Variants in PDE10A observed in about 807,000 individuals in gnomAD.
The protein encoded by PDE10A is phosphodiesterase 10A.
In PDE10A, 39 loss-of-function variants were observed where a neutral mutation model predicts 97.7. That is an observed-to-expected ratio of 0.40 (90% CI 0.31 to 0.52). PDE10A has a LOEUF of 0.52. PDE10A is among the 20% of genes least tolerant of loss of function. The probability of loss-of-function intolerance (pLI) is 0.56; values close to 1 mark genes in which losing one functional copy is unlikely to be tolerated. For synonymous variants in PDE10A, 371 were observed against 376.8 expected (o/e 0.98, Z 0.18); for missense variants, 731 against 1,047.8 (o/e 0.70, Z 4.17).
intron 10 of PDE10A, among the ~76,000 whole-genome samples, chr6:165,426,643 T>C (rs1160549445): frequency 2.0e-5 from 3 of 152,116 alleles, no homozygotes; most frequent in African/African-American, 7.2e-5. Flanking sequence ...AATTAAAATC[T>C]TTTGTGCCTC....
At chr6:165,550,788 A>G (rs1326094472) in intron 1 of PDE10A, among the ~76,000 whole-genome samples, 113 of 152,360 alleles carry the variant, frequency 7.4e-4, no homozygotes, top group Non-Finnish European at 4.4e-5. Context: ...AATGGGCTAC[A>G]TGAGCAGACA....
chr6:165,813,945 G>A (rs529424679), intron 1 of PDE10A, among the ~76,000 whole-genome samples: 1 of 152,286 alleles, frequency 6.6e-6, no homozygotes, highest in Admixed American at 6.5e-5. Flanking sequence ...TTGGGCAAAT[G>A]CAGTTTGGAA....
chr6:165,798,253 A>G (rs1055145524), intron 1 of PDE10A, among the ~76,000 whole-genome samples: 4 of 152,250 alleles, frequency 2.6e-5, no homozygotes, highest in African/African-American at 9.6e-5. Context: ...TGCTTTAATG[A>G]GAAATGAATA....
Position 165,403,335 on chromosome 6 carries a change from C to T in PDE10A, c.2077-6876G>A, listed in dbSNP as rs535826087. Among the ~76,000 whole-genome samples the T allele has an allele frequency of 3.9e-5, 6 of 152,308 alleles. No individual in the cohort carries two copies. The East Asian group carries it at 1.2e-3, about 29-fold the overall frequency. On this transcript the variant is annotated intron_variant, in intron 13 of 21. Transcript: ENST00000539869. ...CTGGCTTGCAAGAGCCAATTATGCA[C>T]ATTTCTTCCCAACTCTGCATTCATT...
intron 1 of PDE10A, among the ~76,000 whole-genome samples, chr6:165,923,364 G>C (rs1782813403): frequency 6.6e-6 from 1 of 152,240 alleles, no homozygotes; most frequent in Non-Finnish European, 1.5e-5. Flanking sequence ...GCCTATTCCA[G>C]GTGTTCAGAG....
Position 165,339,306 on chromosome 6 carries a change from T to C in PDE10A, c.2948A>G (p.Asp983Gly). The stretch of plus-strand genomic sequence containing the variant: ...GCCTTGGGGGACTTCATCCTTCTTG[T>C]CTCTGTCCATCATAGGAATAGGCTG... ...GIQPIPMMDR[D>G]KKDEVPQGQL... The change falls in exon 20 of 22, where the codon GAC (aspartate) becomes GGC (glycine). Residue 983 changes from aspartate to glycine, a missense_variant. Around this residue, in one of 8 missense-constraint regions of PDE10A, gnomAD observed 96 missense variants for 156.7 expected, o/e 0.61. Transcript: ENST00000539869. 1.2e-6 allele frequency: 2 copies of C among 1,605,834 alleles called. No individual in the cohort carries two copies. The highest frequency in any genetic ancestry group is 1.7e-6 in the Non-Finnish European group (2 of 1,172,894).
At chr6:165,619,724 GTAGTGTAGTGTAGTC>G (rs1788031108) in intron 1 of PDE10A, among the ~76,000 whole-genome samples, 1 of 106,072 alleles carries the variant, frequency 9.4e-6, no homozygotes, top group African/African-American at 5.5e-5. Context: ...GTAGTCCAGT[GTAGTGTAGTGTAGTC>G]TAGTGCAGTG....
intron 1 of PDE10A, among the ~76,000 whole-genome samples, chr6:165,785,351 G>T (rs1009019805): frequency 7.2e-5 from 11 of 152,290 alleles, no homozygotes; most frequent in African/African-American, 2.6e-4. Flanking sequence ...TTCTGAAAAA[G>T]CAGGGACTAA....
At chr6:165,430,111 C>G (rs1171601524) in intron 9 of PDE10A, among the ~76,000 whole-genome samples, 176 bp downstream of exon 9, 1 of 151,980 alleles carries the variant, frequency 6.6e-6, no homozygotes, top group Non-Finnish European at 1.5e-5. Context: ...TTAGAGTGAA[C>G]GTGAATGAGA....
intron 1 of PDE10A, among the ~76,000 whole-genome samples, chr6:165,899,577 T>G (rs1782048399): frequency 6.6e-6 from 1 of 152,182 alleles, no homozygotes; most frequent in African/African-American, 2.4e-5. Flanking sequence ...CACATTCAGG[T>G]GAGTGCTATG....
At chr6:165,572,769 T>G (rs987764202) in intron 1 of PDE10A, among the ~76,000 whole-genome samples, 3 of 152,118 alleles carry the variant, frequency 2.0e-5, no homozygotes, top group African/African-American at 7.2e-5. Context: ...TCAGGGAGGT[T>G]GAAGCTGCAG....
chr6:165,509,456 G>A (rs9459427), intron 2 of PDE10A, among the ~76,000 whole-genome samples: 1 of 151,732 alleles, frequency 6.6e-6, no homozygotes, highest in Non-Finnish European at 1.5e-5. Flanking sequence ...TATTTTTATA[G>A]CAATACCATG....
At chr6:165,678,215 G>GTGTGTCTC (rs1790872541) in intron 1 of PDE10A, among the ~76,000 whole-genome samples, 1 of 119,316 alleles carries the variant, frequency 8.4e-6, no homozygotes, top group Non-Finnish European at 1.8e-5. Context: ...GTGTCTGTGT[G>GTGTGTCTC]TGTATATGTG....
At chr6:165,956,977 G>T (rs2128496811) in intron 1 of PDE10A, among the ~76,000 whole-genome samples, 1 of 152,272 alleles carries the variant, frequency 6.6e-6, no homozygotes, top group Non-Finnish European at 1.5e-5. Context: ...GTCATAATCA[G>T]CACAGGAGGT....
intron 1 of PDE10A, among the ~76,000 whole-genome samples, chr6:165,898,624 C>T (rs1427878659): frequency 6.6e-6 from 1 of 152,116 alleles, no homozygotes; most frequent in Non-Finnish European, 1.5e-5. Context: ...ATCCCATACC[C>T]TGAGGGCATC....
At chr6:165,684,181 G>A (rs4470827) in intron 1 of PDE10A, among the ~76,000 whole-genome samples, 51,016 of 151,916 alleles carry the variant, frequency 0.34, 9,081 homozygotes, top group Non-Finnish European at 0.4. Context: ...AGCACCTGGC[G>A]TGCTCTATGT....
chr6:165,468,553 T>C (rs1297635864), intron 3 of PDE10A, among the ~76,000 whole-genome samples: 1 of 152,190 alleles, frequency 6.6e-6, no homozygotes, highest in Non-Finnish European at 1.5e-5. Flanking sequence ...AGTCTGAAAC[T>C]GAACCCACAA....
chr6:165,677,838 G>A (rs1268641808), intron 1 of PDE10A, among the ~76,000 whole-genome samples: 3 of 151,944 alleles, frequency 2.0e-5, no homozygotes, highest in Non-Finnish European at 2.9e-5. Flanking sequence ...ATGTGTGCGC[G>A]TTTGTGTATG....
intron 1 of PDE10A, among the ~76,000 whole-genome samples, chr6:165,591,406 C>G (rs150827856): frequency 6.6e-6 from 1 of 152,204 alleles, no homozygotes; most frequent in Admixed American, 6.5e-5. Context: ...TAGTTGGTGT[C>G]AATAAATAAA....
Sources: gnomAD v4.1 joint callset for allele counts (sites outside exome capture counted in the v4.1 genomes callset) on GRCh38, gnomAD v4.1.1 for gene constraint, gnomAD v4.1.1 regional missense constraint, MANE v1.5 for transcripts, NCBI Gene and HGNC (gene_info 2026-07-23, HGNC 2026-07-21) for gene names.